The following GPC5 variants were observed in gnomAD, a reference collection of about 807,000 sequenced individuals.
GPC5 encodes glypican-5.
GPC5 carries 47 observed loss-of-function variants against 53.9 expected under a neutral mutation model. The ratio of observed to expected loss-of-function variants is 0.87; its 90% CI spans 0.69 to 1.11. The LOEUF is 1.11. Among genes scored for constraint, GPC5 ranks in the 50% most tolerant of loss-of-function variants. The pLI, the probability that GPC5 is intolerant of heterozygous loss-of-function variation, is 0.00. For synonymous variants in GPC5, 286 were observed against 263.3 expected (o/e 1.09, Z -0.84); for missense variants, 748 against 713.1 (o/e 1.05, Z -0.56).
At chr13:92,379,451 G>A (rs2043720311) in intron 7 of GPC5, among the ~76,000 whole-genome samples, 2 of 152,158 alleles carry the variant, frequency 1.3e-5, no homozygotes, top group South Asian at 4.1e-4. Context: ...CCATTTGCAC[G>A]ATTAGCACTA....
intron 6 of GPC5, among the ~76,000 whole-genome samples, chr13:92,117,478 C>G (rs955428159): frequency 6.6e-6 from 1 of 152,016 alleles, no homozygotes; most frequent in African/African-American, 2.4e-5. Flanking sequence ...TCTGCCTTGC[C>G]CTACACATTT....
intron 7 of GPC5, among the ~76,000 whole-genome samples, chr13:92,561,724 CTTACA>C (rs1882701579): frequency 6.6e-6 from 1 of 151,896 alleles, no homozygotes; most frequent in Non-Finnish European, 1.5e-5. Flanking sequence ...GAAAGGTTGC[CTTACA>C]TTATTTTATT....
intron 7 of GPC5, among the ~76,000 whole-genome samples, chr13:92,653,976 C>T (rs940861268): frequency 6.6e-6 from 1 of 152,206 alleles, no homozygotes; most frequent in African/African-American, 2.4e-5. Flanking sequence ...ATGCAAGTTG[C>T]AAGAGAGCCT....
rs140737814 is a variant in GPC5, at chr13:92,622,484, T to G, written c.1562-243798T>G. 3.1e-3 allele frequency among the ~76,000 whole-genome samples: 469 copies of G among 152,326 alleles called. 3 individuals carry two copies. Among genetic ancestry groups the G allele is most frequent in the Non-Finnish European group, 5.1e-3 (350 of 68,024 alleles). The stretch of plus-strand genomic sequence containing the variant: ...ATCTGTTCCCTACTAGGACCTCGAA[T>G]GTTGTGCCTGGATTAACACGAGATG... On this transcript the variant is annotated intron_variant, in intron 7 of 7. Coordinates refer to ENST00000377067, the MANE Select transcript of GPC5 (RefSeq NM_004466.6).
chr13:91,651,378 T>C (rs1332820970), intron 2 of GPC5, among the ~76,000 whole-genome samples: 1 of 152,242 alleles, frequency 6.6e-6, no homozygotes, highest in Non-Finnish European at 1.5e-5. Context: ...GATATTTCTA[T>C]TGATGACTCA....
intron 7 of GPC5, among the ~76,000 whole-genome samples, chr13:92,450,925 T>C (rs1376381471): frequency 6.6e-6 from 1 of 152,166 alleles, no homozygotes; most frequent in African/African-American, 2.4e-5. Flanking sequence ...TAAAATGAGA[T>C]AAGAAAGGTA....
chr13:92,655,731 A>G (rs7991159), intron 7 of GPC5, among the ~76,000 whole-genome samples: 128,955 of 152,134 alleles, frequency 0.85, 55,754 homozygotes, highest in Non-Finnish European at 0.94. Context: ...AACTGACAAC[A>G]GACCAGATGC....
chr13:91,439,142 A>C (rs917850695), intron 1 of GPC5, among the ~76,000 whole-genome samples: 2 of 152,204 alleles, frequency 1.3e-5, no homozygotes, highest in Non-Finnish European at 2.9e-5. Flanking sequence ...TCATATTGGC[A>C]TGACTCCGGC....
chr13:92,307,719 A>C (rs1209652305), intron 7 of GPC5, among the ~76,000 whole-genome samples: 2 of 152,224 alleles, frequency 1.3e-5, no homozygotes, highest in African/African-American at 2.4e-5. Flanking sequence ...CTGAAAAATG[A>C]ATGAGGTAGG....
intron 5 of GPC5, among the ~76,000 whole-genome samples, chr13:91,894,384 A>T (rs2039419594): frequency 6.6e-6 from 1 of 152,222 alleles, no homozygotes; most frequent in African/African-American, 2.4e-5. Context: ...AAGGTTCTAC[A>T]TGTTAAGTGT....
intron 7 of GPC5, among the ~76,000 whole-genome samples, chr13:92,594,271 C>G (rs1883801101): frequency 6.6e-6 from 1 of 152,110 alleles, no homozygotes; most frequent in South Asian, 2.1e-4. Context: ...CACTTTACTT[C>G]TCAGCTCATT....
At chr13:92,004,388 T>C (rs1450009598) in intron 6 of GPC5, among the ~76,000 whole-genome samples, 1 of 144,058 alleles carries the variant, frequency 6.9e-6, no homozygotes, top group Non-Finnish European at 1.5e-5. Flanking sequence ...GAGGTTGCAA[T>C]GAGCTGAGAT....
At chr13:92,511,756 T>G (rs888952821) in intron 7 of GPC5, among the ~76,000 whole-genome samples, 1 of 152,232 alleles carries the variant, frequency 6.6e-6, no homozygotes, top group African/African-American at 2.4e-5. Flanking sequence ...TACTTAGCTC[T>G]TTGACATTTT....
intron 6 of GPC5, among the ~76,000 whole-genome samples, chr13:92,074,825 AC>A (rs1256422751): frequency 1.3e-5 from 2 of 152,158 alleles, no homozygotes; most frequent in Non-Finnish European, 2.9e-5. Flanking sequence ...GCACATCGCT[AC>A]CTGACTTCTT....
intron 7 of GPC5, among the ~76,000 whole-genome samples, chr13:92,556,861 T>C (rs1353992708): frequency 6.6e-6 from 1 of 151,894 alleles, no homozygotes; most frequent in Non-Finnish European, 1.5e-5. Flanking sequence ...CTCTTTTGAA[T>C]GTGCTGAGAT....
intron 6 of GPC5, among the ~76,000 whole-genome samples, chr13:91,952,104 A>G (rs112384135): frequency 0.015 from 2,257 of 152,146 alleles, 43 homozygotes; most frequent in African/African-American, 0.052. Flanking sequence ...CTTATTTGGT[A>G]TATGTTCTGC....
intron 1 of GPC5, among the ~76,000 whole-genome samples, chr13:91,434,537 C>G (rs1879759291): frequency 6.6e-6 from 1 of 152,026 alleles, no homozygotes; most frequent in Non-Finnish European, 1.5e-5. Context: ...TTTCTGAGGG[C>G]TCTGTTCTGT....
chr13:92,004,587 TTAGA>T (rs1446073354), intron 6 of GPC5, among the ~76,000 whole-genome samples: 2 of 149,726 alleles, frequency 1.3e-5, no homozygotes, highest in African/African-American at 4.9e-5. Context: ...AAAATTAATG[TTAGA>T]TAGAATAGAG....
At chr13:91,858,679 T>G (rs2138906609) in intron 5 of GPC5, among the ~76,000 whole-genome samples, 1 of 152,000 alleles carries the variant, frequency 6.6e-6, no homozygotes, top group Middle Eastern at 3.4e-3. Flanking sequence ...GTAGAACGAG[T>G]TTGGAAATAC....
Sources: gnomAD v4.1 joint callset for allele counts (sites outside exome capture counted in the v4.1 genomes callset) on GRCh38, gnomAD v4.1.1 for gene constraint, MANE v1.5 for transcripts, NCBI Gene and HGNC (gene_info 2026-07-23, HGNC 2026-07-21) for gene names.